The following PCNX1 variants were observed in gnomAD, a reference collection of about 807,000 sequenced individuals.
PCNX1 encodes pecanex 1, also known as pecanex-like protein 1.
In PCNX1, 78 loss-of-function variants were observed where a neutral mutation model predicts 242.2. The observed-to-expected ratio is 0.32, with a 90% CI of 0.27 to 0.39. The LOEUF (loss-of-function observed/expected upper bound fraction) is 0.39, where lower values mean the gene tolerates loss of function less well. Ranked by LOEUF, PCNX1 falls within the 10% of genes least tolerant of loss-of-function variation. PCNX1 has a pLI of 1.00. For missense variants in PCNX1, 2,581 were observed against 2,856.5 expected (o/e 0.90, Z 2.20); for synonymous variants, 1,024 against 1,032.9 (o/e 0.99, Z 0.17).
chr14:70,907,797 CCGGGGCGGGGA>C lies in PCNX1; in HGVS notation c.-50_-40del. The C allele has an allele frequency of 8.2e-7, 1 of 1,221,024 alleles. No individual in the cohort carries two copies. The highest frequency in any genetic ancestry group is 1.0e-6 in the Non-Finnish European group (1 of 980,188). 75.6% of individuals were successfully genotyped at this position (1,221,024 alleles called of 1,614,324 possible). Reference sequence around the variant, plus strand: ...TCCGGCGACCGAGGCCGAGCTGGGGCCGGGGCGGGGACGGCGGCGGCGGCGGCGGCGACGGC... The same window carrying C: ...TCCGGCGACCGAGGCCGAGCTGGGGCCGGCGGCGGCGGCGGCGGCGACGGC... On this transcript the variant is annotated 5_prime_UTR_variant, in exon 1 of 36. Transcript: ENST00000304743.
Position 71,075,437 on chromosome 14 carries a change from C to T in PCNX1, c.5107-752C>T, listed in dbSNP as rs1045035098. 2.0e-5 allele frequency among the ~76,000 whole-genome samples: 3 copies of T among 152,246 alleles called. No individual in the cohort carries two copies. In the South Asian group the frequency reaches 6.2e-4, roughly 32 times the overall value. On this transcript the variant is annotated intron_variant, in intron 27 of 35. Coordinates refer to ENST00000304743, the MANE Select transcript of PCNX1 (RefSeq NM_014982.3). ...TCACAATATTTTTTACTTGTATGTGCGTGTGGCATTTTCTATCTCTAGTTC... is the reference window on the plus strand; with the variant it reads ...TCACAATATTTTTTACTTGTATGTGTGTGTGGCATTTTCTATCTCTAGTTC...
At position 70,977,770 on chromosome 14, in the gene PCNX1, A is replaced by T; in HGVS notation, c.1433A>T (p.Asn478Ile). Residue 478 changes from asparagine (N) to isoleucine (I), a missense_variant, in exon 6 of 36, where the codon AAC (asparagine) becomes ATC (isoleucine). By Grantham distance (149) the Asn-to-Ile change is moderately radical. Coordinates refer to ENST00000304743, the MANE Select transcript of PCNX1 (RefSeq NM_014982.3). ...CCCACCCCCTCTGATGAGATGCACA[A>T]CCAGAGAGGTCTCAGCACCTCTGCA... ...KDPTPSDEMH[N>I]QRGLSTSASE... The T allele has an allele frequency of 6.2e-7, 1 of 1,614,134 alleles. No homozygotes were observed. The highest frequency in any genetic ancestry group is 1.1e-5 in the South Asian group (1 of 91,076).
intron 2 of PCNX1, among the ~76,000 whole-genome samples, chr14:70,954,767 T>C (rs1208201374): frequency 6.6e-6 from 1 of 152,222 alleles, no homozygotes; most frequent in Non-Finnish European, 1.5e-5. Context: ...TTTCACTGGC[T>C]ATGATATGTA....
intron 12 of PCNX1, among the ~76,000 whole-genome samples, chr14:71,019,761 G>GTTTT: frequency 6.6e-6 from 1 of 151,410 alleles, no homozygotes; most frequent in South Asian, 2.1e-4. Flanking sequence ...AATAGTAGTA[G>GTTTT]TTTTTTTTAT....
intron 1 of PCNX1, among the ~76,000 whole-genome samples, chr14:70,923,046 CTA>C (rs1049192029): frequency 9.2e-5 from 14 of 152,064 alleles, no homozygotes; most frequent in African/African-American, 2.7e-4. Flanking sequence ...TTGTTTTAAT[CTA>C]TGTTTCCTTA....
At chr14:71,031,639 G>A (rs932620024) in intron 16 of PCNX1, 11 of 647,320 alleles carry the variant, frequency 1.7e-5, no homozygotes, top group Non-Finnish European at 2.9e-5. Flanking sequence ...CAACAGCTCT[G>A]TGGGTGGGAC....
At chr14:70,944,499 A>T (rs1162927706) in intron 1 of PCNX1, among the ~76,000 whole-genome samples, 1 of 152,108 alleles carries the variant, frequency 6.6e-6, no homozygotes, top group Non-Finnish European at 1.5e-5. Context: ...GGAAGTAACT[A>T]ATTTGCTTTT....
At position 71,094,373 on chromosome 14, in the gene PCNX1, A is replaced by G. The variant is rs557651975; in HGVS notation, c.5589+5031A>G. On this transcript the variant is annotated intron_variant, in intron 30 of 35. Coordinates refer to ENST00000304743, the MANE Select transcript of PCNX1 (RefSeq NM_014982.3). The stretch of plus-strand genomic sequence containing the variant: ...AGATTGCAGTAGTGGTTACCTGGGT[A>G]TGCACATTTGTCAAGATGCATCTAA... Among the ~76,000 whole-genome samples, 119 of 152,344 alleles carry G rather than the reference A, an allele frequency of 7.8e-4. 1 individual carries two copies. Among genetic ancestry groups the G allele is most frequent in the African/African-American group, 2.7e-3 (113 of 41,582 alleles).
chr14:71,103,865 A>T (rs1463950487), intron 32 of PCNX1, among the ~76,000 whole-genome samples, 196 bp downstream of exon 32: 3 of 152,226 alleles, frequency 2.0e-5, no homozygotes, highest in Non-Finnish European at 1.5e-5. Flanking sequence ...TCTGATGTAT[A>T]ACTGGTTAAG....
intron 9 of PCNX1, among the ~76,000 whole-genome samples, 182 bp from the exon 10 acceptor site, chr14:71,011,310 A>C (rs1186959508): frequency 6.6e-6 from 1 of 152,174 alleles, no homozygotes; most frequent in Non-Finnish European, 1.5e-5. Context: ...CATTCAGTGG[A>C]AGAGATTTGA....
At chr14:71,033,358 G>C in intron 16 of PCNX1, 71 bp from the exon 17 acceptor site, 1 of 728,012 alleles carries the variant, frequency 1.4e-6, no homozygotes, top group South Asian at 2.0e-5. Context: ...TCCAAAATAC[G>C]TACATAAAAG....
At position 71,102,224 on chromosome 14, in the gene PCNX1, A is replaced by G; in HGVS notation, c.5820+4A>G. 1.9e-6 allele frequency: 3 copies of G among 1,598,936 alleles called. No individual in the cohort carries two copies. Among genetic ancestry groups the G allele is most frequent in the Non-Finnish European group, 2.6e-6 (3 of 1,166,166 alleles). On this transcript the variant is annotated splice_donor_region_variant and intron_variant, in intron 31 of 35. Coordinates refer to ENST00000304743, the MANE Select transcript of PCNX1 (RefSeq NM_014982.3). ...CCTGAGCTTCAGGGTCATTAAAGTA[A>G]GTGTTTGAGGTATTTATTTGGTCCA...
intron 1 of PCNX1, among the ~76,000 whole-genome samples, chr14:70,910,207 G>GTCC (rs750642409): frequency 0.16 from 2,039 of 12,844 alleles, 185 homozygotes; most frequent in South Asian, 0.32. Context: ...CCTCCTCCTC[G>GTCC]TCCTCCTCCT....
chr14:71,036,855 T>C (rs2060551326), intron 19 of PCNX1, among the ~76,000 whole-genome samples: 1 of 152,204 alleles, frequency 6.6e-6, no homozygotes, highest in Non-Finnish European at 1.5e-5. Context: ...GGGGATGGCA[T>C]TGAATCTGTA....
chr14:70,947,764 C>T (rs1013425948), intron 2 of PCNX1, among the ~76,000 whole-genome samples: 2 of 152,168 alleles, frequency 1.3e-5, no homozygotes, highest in African/African-American at 4.8e-5. Flanking sequence ...AGGAGATAAC[C>T]ATAAAGTCTG....
At chr14:71,105,483 C>T in intron 33 of PCNX1, 43 bp downstream of exon 33, 2 of 1,428,472 alleles carry the variant, frequency 1.4e-6, no homozygotes, top group Non-Finnish European at 2.0e-6. Flanking sequence ...AGCTTCTTAG[C>T]CATAGAGGCT....
At chr14:70,924,586 C>T (rs926447772) in intron 1 of PCNX1, among the ~76,000 whole-genome samples, 1 of 151,412 alleles carries the variant, frequency 6.6e-6, no homozygotes, top group African/African-American at 2.4e-5. Flanking sequence ...TAGTTTATTC[C>T]TTTATTTTAT....
chr14:71,082,780 G>A (rs1237990679), intron 28 of PCNX1, among the ~76,000 whole-genome samples: 1 of 152,106 alleles, frequency 6.6e-6, no homozygotes, highest in African/African-American at 2.4e-5. Context: ...ACAGCACACC[G>A]ATGAGTCTTG....
chr14:71,030,945 T>A (rs2060364507), intron 16 of PCNX1, among the ~76,000 whole-genome samples: 2 of 152,214 alleles, frequency 1.3e-5, no homozygotes, highest in African/African-American at 4.8e-5. Context: ...ATTTCTTTTT[T>A]TTACATTTGT....
Sources: allele counts gnomAD v4.1 joint callset (sites outside exome capture counted in the v4.1 genomes callset), GRCh38; gene constraint gnomAD v4.1.1; transcripts MANE v1.5; gene names NCBI Gene and HGNC (gene_info 2026-07-23, HGNC 2026-07-21).